SULT1C2: variants seen among roughly 807,000 people sequenced by gnomAD.
The protein encoded by SULT1C2 is sulfotransferase family 1C member 2.
SULT1C2 carries 27 observed loss-of-function variants against 36.0 expected under a neutral mutation model. The ratio of observed to expected loss-of-function variants is 0.75; its 90% CI spans 0.55 to 1.03. The LOEUF (loss-of-function observed/expected upper bound fraction) is 1.03, where lower values mean the gene tolerates loss of function less well. SULT1C2 is among the 50% of genes least tolerant of loss of function. The pLI is 0.00. For synonymous variants in SULT1C2, 121 were observed against 116.0 expected, an observed-to-expected ratio of 1.04 and a Z score of -0.27; for missense variants, 395 against 359.2, an observed-to-expected ratio of 1.10 and a Z score of -0.80.
chr2:108,294,868 T>C (rs1422400348), intron 3 of SULT1C2, among the ~76,000 whole-genome samples: 1 of 152,184 alleles, frequency 6.6e-6, no homozygotes, highest in African/African-American at 2.4e-5. Context: ...AACCTAGAAG[T>C]GTTTCTCTTC....
intron 3 of SULT1C2, among the ~76,000 whole-genome samples, chr2:108,297,367 T>C (rs548115256): frequency 2.6e-5 from 4 of 152,334 alleles, no homozygotes; most frequent in South Asian, 4.1e-4. Context: ...GCAAACTCTT[T>C]GATGGCAAGA....
intron 7 of SULT1C2, among the ~76,000 whole-genome samples, chr2:108,308,050 T>C (rs1478393342): frequency 6.6e-6 from 1 of 152,224 alleles, no homozygotes; most frequent in Non-Finnish European, 1.5e-5. Context: ...AGTTCATCAT[T>C]CTTTTATGTC....
chr2:108,305,254 G>C lies in SULT1C2; in HGVS notation c.585G>C (p.Glu195Asp). The stretch of plus-strand genomic sequence containing the variant: ...ACCAGATTCTCTTCCTCTTCTATGA[G>C]GACATAAAGAGGGTGAGTGAAGGCT... ...DRHQILFLFY[E>D]DIKRDPKHEI... The change falls in exon 6 of 8, where the codon GAG becomes GAC. Residue 195 changes from glutamate to aspartate, a missense_variant. By Grantham distance (45) the Glu-to-Asp change is conservative. Transcript: ENST00000251481. The C allele has an allele frequency of 4.3e-6, 7 of 1,614,156 alleles. No homozygotes were observed. The highest frequency in any genetic ancestry group is 5.9e-6 in the Non-Finnish European group (7 of 1,180,006).
chr2:108,305,045 C>A (rs1676985933), intron 5 of SULT1C2, 127 bp from the exon 6 acceptor site: 1 of 1,050,526 alleles, frequency 9.5e-7, no homozygotes, highest in Admixed American at 2.1e-5. Flanking sequence ...CAGATCAGAA[C>A]CCTTAGGACA....
At chr2:108,294,111 A>T (rs892756889) in intron 2 of SULT1C2, 118 bp from the exon 3 acceptor site, 2 of 1,515,848 alleles carry the variant, frequency 1.3e-6, no homozygotes, top group Non-Finnish European at 1.8e-6. Flanking sequence ...CAGGATTCTG[A>T]CCCAAGGGGA....
At chr2:108,300,791 T>G (rs533191153) in intron 3 of SULT1C2, 47 bp from the exon 4 acceptor site, 1 of 1,612,986 alleles carries the variant, frequency 6.2e-7, no homozygotes, top group East Asian at 2.2e-5. Flanking sequence ...GAGGTCCCCA[T>G]GTAGTGCTTG....
At position 108,305,567 on chromosome 2, in the gene SULT1C2, CCAGT is replaced by C; in HGVS notation, c.753_756del (p.Ser252PhefsTer5). ...CTACAGTTTCCAAATCTATCTTGGACCAGTCAATTTCCTCCTTCATGAGAAAAGG... is the reference window on the plus strand; with the variant it reads ...CTACAGTTTCCAAATCTATCTTGGACCAATTTCCTCCTTCATGAGAAAAGG... On this transcript the variant is annotated frameshift_variant, in exon 7 of 8. Transcript: ENST00000251481. LOFTEE classifies it high-confidence loss of function. 1 of 1,614,122 alleles carries C rather than the reference CCAGT, an allele frequency of 6.2e-7. No homozygotes were observed. Among genetic ancestry groups the C allele is most frequent in the Non-Finnish European group, 8.5e-7 (1 of 1,180,008 alleles).
chr2:108,293,635 C>G lies in SULT1C2; in HGVS notation c.-21-12C>G. On this transcript the variant is annotated splice_polypyrimidine_tract_variant and intron_variant, in intron 1 of 7. Transcript: ENST00000251481. ...AACTTCTTTAAAAATCTCCTCTATT[C>G]TTTTCCCATAGGGACCCCAACCCTG... The G allele has an allele frequency of 6.4e-7, 1 of 1,573,458 alleles. No homozygotes were observed. Among genetic ancestry groups the G allele is most frequent in the Non-Finnish European group, 8.6e-7 (1 of 1,163,958 alleles).
intron 7 of SULT1C2, among the ~76,000 whole-genome samples, chr2:108,306,358 G>A (rs139208034): frequency 5.8e-4 from 88 of 152,266 alleles, no homozygotes; most frequent in Middle Eastern, 3.4e-3. Flanking sequence ...ATAATCCCAC[G>A]TTTTGGAAAG....
rs1450865393 is a variant in SULT1C2, at chr2:108,308,421, G to A, written c.848G>A (p.Arg283Lys). 1 of 1,612,586 alleles carries A rather than the reference G, an allele frequency of 6.2e-7. No individual in the cohort carries two copies. Among genetic ancestry groups the A allele is most frequent in the Non-Finnish European group, 8.5e-7 (1 of 1,179,746 alleles). ...GAGAGGTTTGATGAAATCTATAGAA[G>A]AAAGATGGAAGGAACCTCCATAAAC... ...QNERFDEIYR[R>K]KMEGTSINFC... The change falls in exon 8 of 8, where the codon AGA (arginine) becomes AAA (lysine). Residue 283 changes from arginine (R) to lysine (K), a missense_variant. By Grantham distance (26) the Arg-to-Lys change is conservative. Coordinates refer to ENST00000251481, the MANE Select transcript of SULT1C2 (RefSeq NM_001056.4).
intron 3 of SULT1C2, chr2:108,300,516 C>G (rs1334569784): frequency 1.5e-5 from 6 of 391,384 alleles, no homozygotes; most frequent in Non-Finnish European, 2.7e-5. Flanking sequence ...CTCTGGCTGG[C>G]AGGAAGGTGA....
At chr2:108,293,854 T>G in intron 2 of SULT1C2, 36 bp downstream of exon 2, 1 of 1,606,144 alleles carries the variant, frequency 6.2e-7, no homozygotes, top group African/African-American at 1.3e-5. Context: ...AAAGACCTGC[T>G]GAGCCAGCAC....
intron 1 of SULT1C2, among the ~76,000 whole-genome samples, chr2:108,290,653 C>T (rs1474644386): frequency 6.6e-6 from 1 of 152,150 alleles, no homozygotes; most frequent in Admixed American, 6.5e-5. Context: ...GAAAGGCAAG[C>T]AGGCATGTAT....
At chr2:108,307,542 G>A (rs1429346551) in intron 7 of SULT1C2, among the ~76,000 whole-genome samples, 1 of 152,122 alleles carries the variant, frequency 6.6e-6, no homozygotes, top group Non-Finnish European at 1.5e-5. Context: ...TATGCATAAT[G>A]TTACAGTAAA....
chr2:108,306,734 T>C (rs2104425201), intron 7 of SULT1C2, among the ~76,000 whole-genome samples: 1 of 152,126 alleles, frequency 6.6e-6, no homozygotes, highest in Non-Finnish European at 1.5e-5. Context: ...GGTGAAACCC[T>C]GTCTCTACTA....
intron 5 of SULT1C2, 144 bp downstream of exon 5, chr2:108,304,844 GC>G: frequency 8.9e-7 from 1 of 1,128,386 alleles, no homozygotes; most frequent in Non-Finnish European, 1.2e-6. Context: ...GAGCAAGCTG[GC>G]CACTGAGTGT....
intron 3 of SULT1C2, among the ~76,000 whole-genome samples, chr2:108,298,293 C>T (rs1676786971): frequency 6.6e-6 from 1 of 152,212 alleles, no homozygotes; most frequent in African/African-American, 2.4e-5. Flanking sequence ...TGTAGGTTTT[C>T]ATGTCCAAAC....
At chr2:108,303,074 T>G (rs1207132397) in intron 4 of SULT1C2, 1 of 152,238 alleles carries the variant, frequency 6.6e-6, no homozygotes, top group Non-Finnish European at 1.5e-5. Flanking sequence ...CTTAAAACCT[T>G]CTTTACTGGT....
rs749216580 is a variant in SULT1C2 at position 108,304,675 on chromosome 2, T to G, written c.477T>G (p.Tyr159Ter). The change falls in exon 5 of 8, where the codon TAT (tyrosine) becomes TAG (stop). Residue 159 changes from tyrosine to a stop codon, truncating the protein, a stop_gained. Transcript: ENST00000251481. LOFTEE classifies it high-confidence loss of function. ...CTGACCCTGGTACCTGGGAAGAGTA[T>G]TTTGAAACCTTCATCAATGGAAAAG... ...MLPDPGTWEE[Y>*]FETFINGKVV... 1 of 1,613,424 alleles carries G rather than the reference T, an allele frequency of 6.2e-7. No individual in the cohort carries two copies.
Sources: gnomAD v4.1 joint callset for allele counts (sites outside exome capture counted in the v4.1 genomes callset) on GRCh38, gnomAD v4.1.1 for gene constraint, MANE v1.5 for transcripts, NCBI Gene and HGNC (gene_info 2026-07-23, HGNC 2026-07-21) for gene names.